The following DENND1A variants were observed in gnomAD, a reference collection of about 807,000 sequenced individuals.
DENND1A encodes DENN domain-containing protein 1A.
Under a neutral mutation model 113.7 loss-of-function variants are expected in DENND1A, and 51 were observed. That is an observed-to-expected ratio of 0.45 (90% confidence interval 0.36 to 0.57). The LOEUF (loss-of-function observed/expected upper bound fraction) is 0.57, where lower values mean the gene tolerates loss of function less well. DENND1A is among the 20% of genes least tolerant of loss of function. The pLI is 0.00. For missense variants in DENND1A, 1,258 were observed against 1,395.9 expected, an observed-to-expected ratio of 0.90 and a Z score of 1.57; for synonymous variants, 565 against 570.8, an observed-to-expected ratio of 0.99 and a Z score of 0.14.
chr9:123,835,735 C>T (rs1368081818), intron 2 of DENND1A, among the ~76,000 whole-genome samples: 1 of 151,594 alleles, frequency 6.6e-6, no homozygotes, highest in African/African-American at 2.4e-5. Context: ...CTCCACCACA[C>T]ACTTCGTTCA....
rs1377861154 is a variant in DENND1A at position 123,380,149 on chromosome 9, C to CAAAT, written c.*1279_*1282dup. The CAAAT allele has an allele frequency of 2.0e-5, 3 of 152,342 alleles. No homozygotes were observed. The highest frequency in any genetic ancestry group is 4.1e-4 in the South Asian group (2 of 4,826). The allele number at this position is 152,342 out of a possible 1,614,324, so 9.4% of individuals were successfully genotyped here. The stretch of plus-strand genomic sequence containing the variant: ...TGGGTAGACTGTGTCTGACCCTTCA[C>CAAAT]AAATAGGAAATGAGAGCTCGGGTCG... On this transcript the variant is annotated 3_prime_UTR_variant, in exon 24 of 24. Transcript: ENST00000394215.
intron 2 of DENND1A, among the ~76,000 whole-genome samples, chr9:123,842,318 C>A (rs1259190505): frequency 6.6e-6 from 1 of 152,070 alleles, no homozygotes; most frequent in Non-Finnish European, 1.5e-5. Context: ...CTGAAAATGA[C>A]AATTACTTTG....
intron 11 of DENND1A, 35 bp downstream of exon 11, chr9:123,609,401 G>C: frequency 6.2e-7 from 1 of 1,609,002 alleles, no homozygotes; most frequent in Non-Finnish European, 8.5e-7. Context: ...AAAGCCCCAG[G>C]TAGAGCCATC....
chr9:123,476,646 G>A (rs538985475), intron 13 of DENND1A, among the ~76,000 whole-genome samples: 7 of 152,322 alleles, frequency 4.6e-5, no homozygotes, highest in Admixed American at 1.3e-4. Flanking sequence ...ATTTGGGAAC[G>A]AGGTGTGGGA....
intron 13 of DENND1A, among the ~76,000 whole-genome samples, chr9:123,512,476 T>G (rs1390274457): frequency 6.6e-6 from 1 of 152,066 alleles, no homozygotes; most frequent in Non-Finnish European, 1.5e-5. Flanking sequence ...GACTTGGACT[T>G]GGAGATTCAA....
At chr9:123,547,600 C>T (rs1166082286) in intron 13 of DENND1A, among the ~76,000 whole-genome samples, 1 of 152,016 alleles carries the variant, frequency 6.6e-6, no homozygotes, top group Non-Finnish European at 1.5e-5. Context: ...CCTTCCACCC[C>T]TATTTGTCCA....
intron 13 of DENND1A, among the ~76,000 whole-genome samples, chr9:123,517,458 A>C (rs2054032846): frequency 6.6e-6 from 1 of 151,978 alleles, no homozygotes; most frequent in South Asian, 2.1e-4. Flanking sequence ...TGTCTCTGCT[A>C]AAAATACAAA....
At chr9:123,455,438 C>A (rs923554020) in intron 15 of DENND1A, among the ~76,000 whole-genome samples, 1 of 152,254 alleles carries the variant, frequency 6.6e-6, no homozygotes, top group African/African-American at 2.4e-5. Flanking sequence ...AGCATCCTCG[C>A]AGGCCTGCAG....
intron 13 of DENND1A, among the ~76,000 whole-genome samples, chr9:123,511,716 T>A (rs559344621): frequency 1.8e-4 from 27 of 152,220 alleles, no homozygotes; most frequent in Non-Finnish European, 3.4e-4. Context: ...CACTTCCAGT[T>A]TGCCGTGAGC....
chr9:123,750,879 A>G (rs567113944), intron 5 of DENND1A, among the ~76,000 whole-genome samples: 1 of 152,290 alleles, frequency 6.6e-6, no homozygotes, highest in African/African-American at 2.4e-5. Context: ...AACCATAAAC[A>G]GCTTAAAACA....
chr9:123,409,804 A>G (rs1458802132), intron 20 of DENND1A, among the ~76,000 whole-genome samples: 1 of 152,076 alleles, frequency 6.6e-6, no homozygotes, highest in Non-Finnish European at 1.5e-5. Context: ...AAGAATAAGA[A>G]CCGTTGGCCG....
intron 11 of DENND1A, among the ~76,000 whole-genome samples, chr9:123,608,822 T>A (rs1200859372): frequency 2.0e-5 from 3 of 152,152 alleles, no homozygotes; most frequent in African/African-American, 7.2e-5. Context: ...ATCCAAATAG[T>A]GGGAATGATA....
chr9:123,559,991 G>C (rs1452083498), intron 12 of DENND1A, among the ~76,000 whole-genome samples: 1 of 125,560 alleles, frequency 8.0e-6, no homozygotes. Flanking sequence ...TATGAACAAG[G>C]TTCGTCCATG....
intron 5 of DENND1A, among the ~76,000 whole-genome samples, chr9:123,681,637 C>T (rs1251960851): frequency 6.6e-6 from 1 of 152,066 alleles, no homozygotes; most frequent in African/African-American, 2.4e-5. Flanking sequence ...CGGTGTCAAA[C>T]TGGAACTGAA....
chr9:123,883,851 A>T (rs940301435), intron 1 of DENND1A, among the ~76,000 whole-genome samples: 1 of 148,272 alleles, frequency 6.7e-6, no homozygotes, highest in African/African-American at 2.6e-5. Flanking sequence ...ACATGGAGCC[A>T]AGGATTATGA....
At chr9:123,639,454 C>CAA (rs1170557545) in intron 9 of DENND1A, among the ~76,000 whole-genome samples, 6,960 of 76,270 alleles carry the variant, frequency 0.091, 406 homozygotes, top group Middle Eastern at 0.18. Flanking sequence ...AACCCCCTAC[C>CAA]AAAAAAAAAA....
chr9:123,520,575 C>T (rs979094993), intron 13 of DENND1A, among the ~76,000 whole-genome samples: 9 of 152,234 alleles, frequency 5.9e-5, no homozygotes, highest in Admixed American at 5.9e-4. Flanking sequence ...AGGCTGATGC[C>T]TGCAGACTCA....
chr9:123,435,028 G>A (rs2046413950), intron 19 of DENND1A, among the ~76,000 whole-genome samples: 1 of 152,208 alleles, frequency 6.6e-6, no homozygotes. Flanking sequence ...GGAGGGCGGA[G>A]CCTGGCTCTG....
chr9:123,786,001 T>A (rs1270056980), intron 3 of DENND1A, among the ~76,000 whole-genome samples: 1 of 152,028 alleles, frequency 6.6e-6, no homozygotes, highest in Non-Finnish European at 1.5e-5. Flanking sequence ...TCACCTGAGG[T>A]CAGGAGATGG....
Sources: gnomAD v4.1 joint callset for allele counts (sites outside exome capture counted in the v4.1 genomes callset) on GRCh38, gnomAD v4.1.1 for gene constraint, MANE v1.5 for transcripts, NCBI Gene and HGNC (gene_info 2026-07-23, HGNC 2026-07-21) for gene names.